GALNT17: variants seen among roughly 807,000 people sequenced by gnomAD.
The protein encoded by GALNT17 is polypeptide N-acetylgalactosaminyltransferase 17.
In GALNT17, 29 loss-of-function variants were observed where a neutral mutation model predicts 63.7. That is an observed-to-expected ratio of 0.46 (90% CI 0.34 to 0.62). GALNT17 has a LOEUF of 0.62. Among genes scored for constraint, GALNT17 ranks in the 20% least tolerant of loss-of-function variants. The pLI is 0.01. For synonymous variants in GALNT17, 305 were observed against 318.3 expected (o/e 0.96, Z 0.45); for missense variants, 603 against 799.6 (o/e 0.75, Z 2.97).
chr7:71,280,739 G>T (rs768385927), intron 1 of GALNT17, among the ~76,000 whole-genome samples: 4 of 152,156 alleles, frequency 2.6e-5, no homozygotes, highest in Non-Finnish European at 4.4e-5. Context: ...GAGAAAGAGG[G>T]TTTTCCTTGA....
At chr7:71,479,017 A>C (rs1390549688) in intron 5 of GALNT17, among the ~76,000 whole-genome samples, 1 of 152,198 alleles carries the variant, frequency 6.6e-6, no homozygotes, top group Admixed American at 6.5e-5. Context: ...TATCTCAGAG[A>C]CCAAATCACT....
chr7:71,442,227 C>T (rs558112090), intron 5 of GALNT17, among the ~76,000 whole-genome samples: 3 of 152,074 alleles, frequency 2.0e-5, no homozygotes, highest in Non-Finnish European at 2.9e-5. Flanking sequence ...GATGGAGTCT[C>T]ACTCTGTCAC....
chr7:71,356,522 G>C (rs946365360), intron 2 of GALNT17, among the ~76,000 whole-genome samples: 1 of 152,316 alleles, frequency 6.6e-6, no homozygotes, highest in East Asian at 1.9e-4. Flanking sequence ...CCAGCCTGCA[G>C]AGATTGCATG....
chr7:71,616,484 A>G (rs979211673), intron 6 of GALNT17, among the ~76,000 whole-genome samples: 1 of 147,440 alleles, frequency 6.8e-6, no homozygotes. Flanking sequence ...ATACTAATAT[A>G]TAACTAATAA....
At chr7:71,342,880 A>G (rs1035140750) in intron 2 of GALNT17, among the ~76,000 whole-genome samples, 7 of 152,266 alleles carry the variant, frequency 4.6e-5, no homozygotes, top group African/African-American at 1.7e-4. Context: ...TAAACAATAA[A>G]TATAAATCTA....
intron 5 of GALNT17, among the ~76,000 whole-genome samples, chr7:71,549,589 T>C (rs1562686451): frequency 6.6e-6 from 1 of 152,074 alleles, no homozygotes; most frequent in Non-Finnish European, 1.5e-5. Context: ...AATAGATAAA[T>C]AGGTAGATGA....
At chr7:71,280,612 G>C (rs1025919163) in intron 1 of GALNT17, among the ~76,000 whole-genome samples, 11 of 152,274 alleles carry the variant, frequency 7.2e-5, no homozygotes, top group African/African-American at 2.6e-4. Context: ...AGTTGCCTCT[G>C]GCTTTAGATA....
At chr7:71,273,091 G>GT (rs79048419) in intron 1 of GALNT17, among the ~76,000 whole-genome samples, 19,939 of 151,694 alleles carry the variant, frequency 0.13, 1,417 homozygotes, top group South Asian at 0.21. Context: ...CCATCTTATT[G>GT]TTTTTTTAAC....
At chr7:71,216,577 C>G (rs1585887996) in intron 1 of GALNT17, among the ~76,000 whole-genome samples, 2 of 130,870 alleles carry the variant, frequency 1.5e-5, no homozygotes. Flanking sequence ...TACACACACA[C>G]AAATACACAC....
chr7:71,617,313 G>GA (rs954308789), intron 6 of GALNT17, among the ~76,000 whole-genome samples: 2 of 149,548 alleles, frequency 1.3e-5, no homozygotes. Context: ...GCAGGGGCGG[G>GA]GGGGGTTGGT....
intron 1 of GALNT17, among the ~76,000 whole-genome samples, chr7:71,262,679 CTTTT>C (rs756742343): frequency 4.0e-5 from 5 of 124,638 alleles, no homozygotes; most frequent in Non-Finnish European, 3.5e-5. Flanking sequence ...TTTTTACTTT[CTTTT>C]TTTTTTTTTT....
chr7:71,310,460 G>A (rs1245608914), intron 1 of GALNT17, among the ~76,000 whole-genome samples: 1 of 152,216 alleles, frequency 6.6e-6, no homozygotes, highest in Non-Finnish European at 1.5e-5. Flanking sequence ...AGGACATTTA[G>A]TATTAGGTTT....
At chr7:71,163,885 A>G (rs1788390797) in intron 1 of GALNT17, among the ~76,000 whole-genome samples, 2 of 152,224 alleles carry the variant, frequency 1.3e-5, no homozygotes, top group African/African-American at 4.8e-5. Context: ...TTAGAATCTC[A>G]TCTTTGCTCA....
chr7:71,341,215 A>G (rs1792000169), intron 2 of GALNT17, among the ~76,000 whole-genome samples: 1 of 152,206 alleles, frequency 6.6e-6, no homozygotes, highest in African/African-American at 2.4e-5. Flanking sequence ...GAGATAAGTA[A>G]TTTAATAAAG....
At chr7:71,603,642 T>C (rs962712691) in intron 6 of GALNT17, among the ~76,000 whole-genome samples, 2 of 150,528 alleles carry the variant, frequency 1.3e-5, no homozygotes, top group African/African-American at 4.9e-5. Flanking sequence ...TGGATACTGC[T>C]AAGTGCATGC....
At chr7:71,153,902 T>C (rs6460641) in intron 1 of GALNT17, among the ~76,000 whole-genome samples, 50,672 of 151,670 alleles carry the variant, frequency 0.33, 8,863 homozygotes, top group Middle Eastern at 0.38. Flanking sequence ...AGGGAGACTC[T>C]GTCTCAAAAA....
chr7:71,413,322 A>G (rs1346970169), intron 3 of GALNT17, among the ~76,000 whole-genome samples: 2 of 152,004 alleles, frequency 1.3e-5, no homozygotes, highest in Non-Finnish European at 2.9e-5. Context: ...AGTGGGGGCC[A>G]TTAGCCTCAT....
intron 3 of GALNT17, among the ~76,000 whole-genome samples, chr7:71,408,822 G>A (rs1048886016): frequency 7.9e-5 from 12 of 152,004 alleles, no homozygotes; most frequent in South Asian, 4.1e-4. Context: ...GTAGTGAGCC[G>A]TGATTGCACC....
chr7:71,426,034 A>G (rs534126108), intron 5 of GALNT17, among the ~76,000 whole-genome samples: 1 of 152,060 alleles, frequency 6.6e-6, no homozygotes, highest in East Asian at 1.9e-4. Flanking sequence ...TCTCTTGAGA[A>G]CTCTATCATG....
Sources: allele counts gnomAD v4.1 joint callset (sites outside exome capture counted in the v4.1 genomes callset), GRCh38; gene constraint gnomAD v4.1.1; transcripts MANE v1.5; gene names NCBI Gene and HGNC (gene_info 2026-07-23, HGNC 2026-07-21).